Variants in ARHGAP26 observed in about 807,000 individuals in gnomAD.
ARHGAP26 encodes the protein rho GTPase-activating protein 26.
ARHGAP26 carries 38 observed loss-of-function variants against 104.8 expected under a neutral mutation model. That is an observed-to-expected ratio of 0.36 (90% CI 0.28 to 0.48). The LOEUF (loss-of-function observed/expected upper bound fraction) is 0.48, where lower values mean the gene tolerates loss of function less well. Ranked by LOEUF, ARHGAP26 falls within the 20% of genes least tolerant of loss-of-function variation. The pLI is 0.99. For missense variants in ARHGAP26, 704 were observed against 947.9 expected (o/e 0.74, Z 3.38); for synonymous variants, 341 against 340.0 (o/e 1.00, Z -0.03).
intron 1 of ARHGAP26, among the ~76,000 whole-genome samples, chr5:142,831,568 A>G (rs991397529): frequency 7.2e-5 from 11 of 151,736 alleles, no homozygotes; most frequent in African/African-American, 2.7e-4. Flanking sequence ...ATGTTGTTTC[A>G]TGTCAGCTCA....
chr5:143,133,846 C>A, intron 18 of ARHGAP26, 121 bp from the exon 19 acceptor site: 1 of 945,044 alleles, frequency 1.1e-6, no homozygotes, highest in Non-Finnish European at 1.5e-6. Flanking sequence ...TGCCAGTGGT[C>A]TTCTCGGATC....
intron 1 of ARHGAP26, among the ~76,000 whole-genome samples, chr5:142,784,735 G>C (rs1427783043): frequency 6.6e-6 from 1 of 151,994 alleles, no homozygotes; most frequent in African/African-American, 2.4e-5. Flanking sequence ...CAATTCACAC[G>C]ACACAATTTA....
chr5:143,112,416 T>C (rs1794889413), intron 17 of ARHGAP26, among the ~76,000 whole-genome samples: 2 of 152,050 alleles, frequency 1.3e-5, no homozygotes, highest in South Asian at 4.1e-4. Flanking sequence ...AGCTGGATCC[T>C]GTAGGTCCTT....
At chr5:143,011,995 C>A (rs1778820767) in intron 11 of ARHGAP26, among the ~76,000 whole-genome samples, 1 of 152,188 alleles carries the variant, frequency 6.6e-6, no homozygotes, top group South Asian at 2.1e-4. Context: ...AAAAACCTAT[C>A]ATCGCCCACA....
At chr5:142,860,171 C>G (rs907316810) in intron 1 of ARHGAP26, 5 of 152,198 alleles carry the variant, frequency 3.3e-5, no homozygotes, top group African/African-American at 1.2e-4. Flanking sequence ...ACTTGCAAAA[C>G]ACAAGTTCAA....
At chr5:143,068,462 G>A (rs1016646187) in intron 17 of ARHGAP26, among the ~76,000 whole-genome samples, 4 of 152,128 alleles carry the variant, frequency 2.6e-5, no homozygotes, top group African/African-American at 7.2e-5. Flanking sequence ...TGCGACAGGG[G>A]AACCCAGTGC....
intron 15 of ARHGAP26, among the ~76,000 whole-genome samples, chr5:143,055,461 T>C (rs918532495): frequency 6.6e-6 from 1 of 152,206 alleles, no homozygotes; most frequent in African/African-American, 2.4e-5. Context: ...AAGTTTCTTA[T>C]TTGAACTATC....
At chr5:143,078,998 A>G (rs192053512) in intron 17 of ARHGAP26, among the ~76,000 whole-genome samples, 197 of 152,334 alleles carry the variant, frequency 1.3e-3, no homozygotes, top group Admixed American at 1.9e-3. Context: ...TTCCAGCTGG[A>G]TCAGTAAAGG....
intron 1 of ARHGAP26, among the ~76,000 whole-genome samples, chr5:142,862,469 G>A (rs1753544683): frequency 6.6e-6 from 1 of 152,094 alleles, no homozygotes; most frequent in African/African-American, 2.4e-5. Context: ...CAATTATTTT[G>A]GTAAATATTT....
intron 1 of ARHGAP26, among the ~76,000 whole-genome samples, chr5:142,845,050 A>G (rs1771657222): frequency 6.6e-6 from 1 of 152,026 alleles, no homozygotes; most frequent in Non-Finnish European, 1.5e-5. Context: ...CAGACTCCTG[A>G]TTTCTTGGCC....
chr5:143,207,661 T>A (rs1411622078), intron 21 of ARHGAP26, among the ~76,000 whole-genome samples: 1 of 152,230 alleles, frequency 6.6e-6, no homozygotes, highest in African/African-American at 2.4e-5. Context: ...AATTAACCTC[T>A]CTGGTGCCTA....
intron 18 of ARHGAP26, among the ~76,000 whole-genome samples, chr5:143,130,691 C>T (rs2150873155): frequency 6.6e-6 from 1 of 152,326 alleles, no homozygotes; most frequent in South Asian, 2.1e-4. Context: ...AGAATCCCAA[C>T]TCGAGCCTTT....
At chr5:142,960,250 C>T (rs1443254520) in intron 11 of ARHGAP26, among the ~76,000 whole-genome samples, 1 of 152,190 alleles carries the variant, frequency 6.6e-6, no homozygotes, top group Non-Finnish European at 1.5e-5. Flanking sequence ...TAATCATGAG[C>T]CTAAATTGAC....
At chr5:143,108,096 A>G (rs969114967) in intron 17 of ARHGAP26, among the ~76,000 whole-genome samples, 18 of 152,236 alleles carry the variant, frequency 1.2e-4, no homozygotes, top group Admixed American at 1.2e-3. Context: ...GCTTGAACTT[A>G]CATTGAAATT....
At chr5:143,130,562 A>G (rs906753703) in intron 18 of ARHGAP26, among the ~76,000 whole-genome samples, 9 of 152,222 alleles carry the variant, frequency 5.9e-5, no homozygotes, top group Non-Finnish European at 1.2e-4. Flanking sequence ...GGTTGTTTGC[A>G]CAGTGATTCT....
intron 1 of ARHGAP26, among the ~76,000 whole-genome samples, chr5:142,782,902 G>A (rs1192214188): frequency 1.3e-5 from 2 of 152,252 alleles, no homozygotes; most frequent in African/African-American, 4.8e-5. Context: ...AAGTGAAGGT[G>A]TACAAGAATT....
At chr5:142,912,922 A>G (rs1334537142) in intron 9 of ARHGAP26, among the ~76,000 whole-genome samples, 2 of 152,198 alleles carry the variant, frequency 1.3e-5, no homozygotes, top group Non-Finnish European at 2.9e-5. Context: ...AATTAAAACA[A>G]TGTCAACACT....
At chr5:143,121,662 C>T (rs770838362) in intron 18 of ARHGAP26, among the ~76,000 whole-genome samples, 1 of 152,024 alleles carries the variant, frequency 6.6e-6, no homozygotes, top group Admixed American at 6.6e-5. Context: ...CGTTTGTGTG[C>T]GCGTGTCTTT....
At chr5:143,187,231 A>G (rs1421289812) in intron 20 of ARHGAP26, among the ~76,000 whole-genome samples, 1 of 152,232 alleles carries the variant, frequency 6.6e-6, no homozygotes, top group Non-Finnish European at 1.5e-5. Flanking sequence ...ATTGAAGGCT[A>G]TCTGACCCTA....
Sources: gnomAD v4.1 joint callset for allele counts (sites outside exome capture counted in the v4.1 genomes callset) on GRCh38, gnomAD v4.1.1 for gene constraint, MANE v1.5 for transcripts, NCBI Gene and HGNC (gene_info 2026-07-23, HGNC 2026-07-21) for gene names.